The following CUEDC1 variants were observed in gnomAD, a reference collection of about 807,000 sequenced individuals.
CUEDC1 encodes the protein CUE domain containing 1.
Under a neutral mutation model 43.7 loss-of-function variants are expected in CUEDC1, and 30 were observed. The ratio of observed to expected loss-of-function variants is 0.69; its 90% CI spans 0.51 to 0.93. The LOEUF (loss-of-function observed/expected upper bound fraction) is 0.93, where lower values mean the gene tolerates loss of function less well. CUEDC1 is among the 40% of genes least tolerant of loss of function. The probability of loss-of-function intolerance (pLI) is 0.00; values close to 1 mark genes in which losing one functional copy is unlikely to be tolerated. For synonymous variants in CUEDC1, 223 were observed against 223.6 expected, an observed-to-expected ratio of 1.00 and a Z score of 0.02; for missense variants, 486 against 549.0, an observed-to-expected ratio of 0.89 and a Z score of 1.15.
intron 10 of CUEDC1, among the ~76,000 whole-genome samples, chr17:57,864,492 G>A (rs2073927802): frequency 6.6e-6 from 1 of 152,118 alleles, no homozygotes; most frequent in East Asian, 1.9e-4. Context: ...GCTTCCTGGG[G>A]TCACAGGAGC....
At chr17:57,892,981 C>A (rs569110293) in intron 1 of CUEDC1, among the ~76,000 whole-genome samples, 3 of 152,240 alleles carry the variant, frequency 2.0e-5, no homozygotes, top group Admixed American at 2.0e-4. Context: ...GTGCAAGCCA[C>A]GACCAAGTGA....
At chr17:57,918,758 C>T (rs75838180) in intron 1 of CUEDC1, among the ~76,000 whole-genome samples, 5,076 of 152,270 alleles carry the variant, frequency 0.033, 99 homozygotes, top group South Asian at 0.055. Context: ...AAGGCTTTGA[C>T]AAAAATAAAT....
At chr17:57,943,799 C>CA (rs1251813746) in intron 1 of CUEDC1, among the ~76,000 whole-genome samples, 5 of 151,864 alleles carry the variant, frequency 3.3e-5, no homozygotes, top group African/African-American at 7.2e-5. Context: ...CCCAGAACTC[C>CA]AAAAAAAACT....
At chr17:57,937,610 A>AG (rs1491245156) in intron 1 of CUEDC1, among the ~76,000 whole-genome samples, 2 of 91,032 alleles carry the variant, frequency 2.2e-5, no homozygotes, top group African/African-American at 3.2e-5. Flanking sequence ...ACCCTGTCTC[A>AG]AAAAAAAAAA....
chr17:57,884,192 CTTTTTTTTTTTT>C (rs780667346), intron 2 of CUEDC1, among the ~76,000 whole-genome samples: 8 of 81,346 alleles, frequency 9.8e-5, no homozygotes, highest in African/African-American at 1.4e-4. Context: ...TTTTTCTTTT[CTTTTTTTTTTTT>C]TTTTTTTTTT....
intron 1 of CUEDC1, among the ~76,000 whole-genome samples, chr17:57,929,418 T>A (rs2074781691): frequency 6.6e-6 from 1 of 152,124 alleles, no homozygotes; most frequent in East Asian, 1.9e-4. Context: ...CCACTAAAAG[T>A]ATGTCCACAG....
chr17:57,911,890 GAACT>G, intron 1 of CUEDC1, among the ~76,000 whole-genome samples: 1 of 152,204 alleles, frequency 6.6e-6, no homozygotes, highest in Non-Finnish European at 1.5e-5. Flanking sequence ...TGTCCCAGGT[GAACT>G]GAATCTGTTT....
At position 57,873,453 on chromosome 17, in the gene CUEDC1, C is replaced by G. The variant is rs571810392; in HGVS notation, c.591+138G>C. ...AGGCTTTCAGTTCAGCATTCCTGCC[C>G]TACGAACCCAGGGCAACAGAAATAG... On this transcript the variant is annotated intron_variant, in intron 4 of 10. Transcript: ENST00000577830. 5 of 1,049,342 alleles carry G rather than the reference C, an allele frequency of 4.8e-6. No homozygotes were observed. The South Asian group carries it at 8.9e-5, about 19-fold the overall frequency. The allele number at this position is 1,049,342 out of a possible 1,614,324, so 65.0% of individuals were successfully genotyped here.
At chr17:57,939,255 C>T (rs1325468482) in intron 1 of CUEDC1, among the ~76,000 whole-genome samples, 1 of 149,844 alleles carries the variant, frequency 6.7e-6, no homozygotes, top group East Asian at 2.0e-4. Context: ...GCATGAGCCA[C>T]CATGCCCGGT....
chr17:57,932,128 A>G (rs1478399921), intron 1 of CUEDC1, among the ~76,000 whole-genome samples: 1 of 151,580 alleles, frequency 6.6e-6, no homozygotes. Flanking sequence ...ACACACACAC[A>G]CAAAATAGCT....
At chr17:57,902,731 G>A (rs1045551878) in intron 1 of CUEDC1, among the ~76,000 whole-genome samples, 11 of 152,214 alleles carry the variant, frequency 7.2e-5, no homozygotes, top group South Asian at 2.1e-4. Context: ...AAGACGTTGC[G>A]GGAAAGTCCC....
intron 9 of CUEDC1, 167 bp from the exon 10 acceptor site, chr17:57,866,711 C>A: frequency 1.6e-6 from 1 of 614,360 alleles, no homozygotes. Context: ...AGAGAGGCAG[C>A]AGGACACTCA....
chr17:57,943,375 T>C (rs1484649055), intron 1 of CUEDC1, among the ~76,000 whole-genome samples: 1 of 152,214 alleles, frequency 6.6e-6, no homozygotes, highest in Admixed American at 6.5e-5. Flanking sequence ...GGATGATTCA[T>C]TCTCTTATTA....
chr17:57,885,285 T>TGCCACCGCC lies in CUEDC1; in HGVS notation c.271_279dup (p.Gly91_Gly93dup). On this transcript the variant is annotated inframe_insertion, in exon 2 of 11. Coordinates refer to ENST00000577830, the MANE Select transcript of CUEDC1 (RefSeq NM_001271875.2). Reference sequence around the variant, plus strand: ...CTGTCCTCATAGACGCCGCCGCTGCTGCCACCGCCCTCCAGGTTCATCTGC... The same window carrying TGCCACCGCC: ...CTGTCCTCATAGACGCCGCCGCTGCTGCCACCGCCGCCACCGCCCTCCAGGTTCATCTGC... 6.2e-7 allele frequency: 1 copy of TGCCACCGCC among 1,607,782 alleles called. No homozygotes were observed. Among genetic ancestry groups the TGCCACCGCC allele is most frequent in the Non-Finnish European group, 8.5e-7 (1 of 1,177,146 alleles).
Position 57,885,851 on chromosome 17 carries a change from C to A in CUEDC1, c.-287G>T. On this transcript the variant is annotated 5_prime_UTR_variant, in exon 2 of 11. Transcript: ENST00000577830. Reference sequence around the variant, plus strand: ...CCGGTCATCCACACCCCCGGTGCATCCTGGCACCGGTTTCACGGATGGTCC... The same window carrying A: ...CCGGTCATCCACACCCCCGGTGCATACTGGCACCGGTTTCACGGATGGTCC... The A allele has an allele frequency of 3.3e-6, 1 of 307,188 alleles. No homozygotes were observed. The allele number at this position is 307,188 out of a possible 1,614,324, so 19.0% of individuals were successfully genotyped here. A position where few individuals can be genotyped will look rare whatever the true frequency, so the allele number is the denominator to read the frequency against.
chr17:57,933,691 G>A (rs892820191), intron 1 of CUEDC1, among the ~76,000 whole-genome samples: 2 of 152,110 alleles, frequency 1.3e-5, no homozygotes, highest in East Asian at 3.9e-4. Flanking sequence ...CACCTCTCCC[G>A]GCCAGACTGG....
intron 2 of CUEDC1, among the ~76,000 whole-genome samples, chr17:57,884,712 C>T (rs945449422): frequency 2.0e-5 from 3 of 152,208 alleles, no homozygotes; most frequent in Non-Finnish European, 4.4e-5. Context: ...GCTTAGCCAT[C>T]GCTTCCTCTG....
At chr17:57,936,923 C>A (rs1481883529) in intron 1 of CUEDC1, among the ~76,000 whole-genome samples, 3 of 151,800 alleles carry the variant, frequency 2.0e-5, no homozygotes, top group Admixed American at 6.6e-5. Flanking sequence ...TGGGTTCAAG[C>A]GATTCTCCTG....
chr17:57,908,824 C>T (rs371870849), intron 1 of CUEDC1, among the ~76,000 whole-genome samples: 2 of 152,208 alleles, frequency 1.3e-5, no homozygotes, highest in Admixed American at 6.5e-5. Flanking sequence ...AGTGAAACCC[C>T]GTCTCTACTA....
Sources: gnomAD v4.1 joint callset for allele counts (sites outside exome capture counted in the v4.1 genomes callset) on GRCh38, gnomAD v4.1.1 for gene constraint, MANE v1.5 for transcripts, NCBI Gene and HGNC (gene_info 2026-07-23, HGNC 2026-07-21) for gene names.